The following PDIA5 variants were observed in gnomAD, a reference collection of about 807,000 sequenced individuals.
The protein encoded by PDIA5 is protein disulfide isomerase family A member 5.
A neutral mutation model predicts 77.6 loss-of-function variants in PDIA5; 58 were observed. The ratio of observed to expected loss-of-function variants is 0.75; its 90% CI spans 0.61 to 0.93. The LOEUF is 0.93. Among genes scored for constraint, PDIA5 ranks in the 40% least tolerant of loss-of-function variants. The probability of loss-of-function intolerance (pLI) is 0.00; values close to 1 mark genes in which losing one functional copy is unlikely to be tolerated. For synonymous variants in PDIA5, 250 were observed against 252.1 expected, an observed-to-expected ratio of 0.99 and a Z score of 0.08; for missense variants, 630 against 647.7, an observed-to-expected ratio of 0.97 and a Z score of 0.30.
intron 11 of PDIA5, among the ~76,000 whole-genome samples, chr3:123,140,729 G>C (rs1311554325): frequency 6.6e-6 from 1 of 152,206 alleles, no homozygotes; most frequent in Non-Finnish European, 1.5e-5. Flanking sequence ...CATGTGTCTG[G>C]TGGGGCTGCT....
chr3:123,137,531 T>C (rs1179405318), intron 11 of PDIA5, among the ~76,000 whole-genome samples: 2 of 152,214 alleles, frequency 1.3e-5, no homozygotes, highest in East Asian at 1.9e-4. Context: ...GTAATAGCTA[T>C]TATATTTATT....
At chr3:123,146,384 G>A in intron 13 of PDIA5, 125 bp downstream of exon 13, 1 of 779,428 alleles carries the variant, frequency 1.3e-6, no homozygotes. Flanking sequence ...AGTCAAGACG[G>A]ATCTGACTTC....
rs71623603 is a variant in PDIA5, at chr3:123,101,906, C to CTT, written c.258-485_258-484dup. Among the ~76,000 whole-genome samples, 80 of 71,392 alleles carry CTT rather than the reference C, an allele frequency of 1.1e-3. 3 individuals are homozygous for CTT. Among genetic ancestry groups the CTT allele is most frequent in the African/African-American group, 3.5e-3 (64 of 18,376 alleles). 46.8% of individuals were successfully genotyped at this position (71,392 alleles called of 152,430 possible). A position where few individuals can be genotyped will look rare whatever the true frequency, so the allele number is the denominator to read the frequency against. ...TCCCCTTCCTTTCCTTTCTTTCTTG[C>CTT]TTTTTTTTTTTTTTTTTTTTTGAGA... On this transcript the variant is annotated intron_variant, in intron 3 of 16. Transcript: ENST00000316218.
At chr3:123,093,447 T>C (rs887311650) in intron 3 of PDIA5, among the ~76,000 whole-genome samples, 8 of 152,174 alleles carry the variant, frequency 5.3e-5, no homozygotes, top group African/African-American at 1.9e-4. Context: ...AAAAAGCCTA[T>C]TAAATGAAGA....
At chr3:123,103,364 C>T (rs906416669) in intron 5 of PDIA5, among the ~76,000 whole-genome samples, 4 of 152,218 alleles carry the variant, frequency 2.6e-5, no homozygotes, top group African/African-American at 9.6e-5. Context: ...TCCTCCTGAA[C>T]TGCAACTCTC....
chr3:123,141,864 C>T (rs1363461363), intron 11 of PDIA5, among the ~76,000 whole-genome samples: 1 of 152,198 alleles, frequency 6.6e-6, no homozygotes, highest in Non-Finnish European at 1.5e-5. Flanking sequence ...GACATCTAAG[C>T]CTGGGCCCCT....
At chr3:123,088,426 C>T (rs1190154178) in intron 1 of PDIA5, among the ~76,000 whole-genome samples, 1 of 152,194 alleles carries the variant, frequency 6.6e-6, no homozygotes, top group African/African-American at 2.4e-5. Context: ...CATCCATTCC[C>T]ATCCTAAGCA....
At chr3:123,085,948 A>G (rs1934126773) in intron 1 of PDIA5, among the ~76,000 whole-genome samples, 1 of 152,284 alleles carries the variant, frequency 6.6e-6, no homozygotes, top group South Asian at 2.1e-4. Flanking sequence ...GTAGGATAAC[A>G]TGTAATAATA....
intron 1 of PDIA5, 50 bp from the exon 2 acceptor site, chr3:123,089,118 G>T (rs748699054): frequency 1.3e-6 from 2 of 1,585,604 alleles, no homozygotes; most frequent in Admixed American, 3.5e-5. Context: ...GATTCTTCTG[G>T]GGCCCAGCCA....
At chr3:123,096,958 G>A (rs1180589265) in intron 3 of PDIA5, among the ~76,000 whole-genome samples, 3 of 152,326 alleles carry the variant, frequency 2.0e-5, no homozygotes, top group Middle Eastern at 6.8e-3. Context: ...CTCACAGGGG[G>A]CAAGGCTGTC....
chr3:123,112,760 A>G (rs1312345582), intron 7 of PDIA5, among the ~76,000 whole-genome samples: 2 of 151,652 alleles, frequency 1.3e-5, no homozygotes, highest in Admixed American at 6.6e-5. Context: ...GGGCTTCACC[A>G]TGTTGCCCAG....
At chr3:123,074,923 A>G (rs1423631198) in intron 1 of PDIA5, among the ~76,000 whole-genome samples, 18 of 152,176 alleles carry the variant, frequency 1.2e-4, no homozygotes, top group Non-Finnish European at 4.4e-5. Context: ...TGTATAAGAA[A>G]CCACCTAAGG....
chr3:123,088,993 A>T (rs1934212966), intron 1 of PDIA5, 175 bp from the exon 2 acceptor site: 2 of 538,240 alleles, frequency 3.7e-6, no homozygotes, highest in African/African-American at 1.9e-5. Context: ...GGAGACTGGG[A>T]GTGGGCTGGG....
At chr3:123,102,706 CA>C in intron 4 of PDIA5, 44 bp from the exon 5 acceptor site, 1 of 1,475,830 alleles carries the variant, frequency 6.8e-7, no homozygotes, top group South Asian at 1.1e-5. Flanking sequence ...TATGTATCTT[CA>C]CAACCATTCT....
chr3:123,099,261 A>G (rs1473247702), intron 3 of PDIA5, among the ~76,000 whole-genome samples: 1 of 152,224 alleles, frequency 6.6e-6, no homozygotes, highest in Non-Finnish European at 1.5e-5. Context: ...AGACAGTATC[A>G]TTCATTTCAG....
At chr3:123,127,291 G>A (rs1935263416) in intron 10 of PDIA5, among the ~76,000 whole-genome samples, 1 of 152,144 alleles carries the variant, frequency 6.6e-6, no homozygotes, top group Non-Finnish European at 1.5e-5. Flanking sequence ...GAACATACAA[G>A]TCATCAAATC....
chr3:123,145,166 T>C, intron 11 of PDIA5: 1 of 218,532 alleles, frequency 4.6e-6, no homozygotes, highest in Non-Finnish European at 9.0e-6. Flanking sequence ...GTATATGGCC[T>C]TGGGCAGTCA....
At chr3:123,134,110 A>G (rs907133162) in intron 11 of PDIA5, among the ~76,000 whole-genome samples, 3 of 151,334 alleles carry the variant, frequency 2.0e-5, no homozygotes, top group African/African-American at 7.3e-5. Flanking sequence ...TGCAGCCTCG[A>G]CCTCCTGGAC....
chr3:123,088,781 A>G lies in PDIA5; in HGVS notation c.43-387A>G, dbSNP rs574008703. ...TAGATTTTTTATGATACCAAATACA[A>G]TATAAATGCTAAGTAAGTAGTTGTT... is the stretch of plus-strand genomic sequence containing the variant. On this transcript the variant is annotated intron_variant, in intron 1 of 16. Coordinates refer to ENST00000316218, the MANE Select transcript of PDIA5 (RefSeq NM_006810.4). Among the ~76,000 whole-genome samples, 10 of 152,364 alleles carry G rather than the reference A, an allele frequency of 6.6e-5. No homozygotes were observed. In the South Asian group the frequency reaches 2.1e-3, roughly 32 times the overall value.
Sources: allele counts gnomAD v4.1 joint callset (sites outside exome capture counted in the v4.1 genomes callset), GRCh38; gene constraint gnomAD v4.1.1; transcripts MANE v1.5; gene names NCBI Gene and HGNC (gene_info 2026-07-23, HGNC 2026-07-21).